MRPL42: variants seen among roughly 807,000 people sequenced by gnomAD.
The protein encoded by MRPL42 is large ribosomal subunit protein mL42.
A neutral mutation model predicts 17.9 loss-of-function variants in MRPL42; 17 were observed. That is an observed-to-expected ratio of 0.95 (90% CI 0.65 to 1.42). The LOEUF is 1.42. MRPL42 is among the 40% of genes most tolerant of loss of function. The pLI, the probability that MRPL42 is intolerant of heterozygous loss-of-function variation, is 0.00. For synonymous variants in MRPL42, 59 were observed against 54.4 expected, an observed-to-expected ratio of 1.08 and a Z score of -0.37; for missense variants, 177 against 175.2, an observed-to-expected ratio of 1.01 and a Z score of -0.06.
intron 2 of MRPL42, among the ~76,000 whole-genome samples, chr12:93,476,233 C>T (rs1004310168): frequency 2.0e-5 from 3 of 152,104 alleles, no homozygotes; most frequent in African/African-American, 7.2e-5. Flanking sequence ...CTTGCACAGG[C>T]TGGAGTGCAA....
At chr12:93,474,043 C>A (rs1246522092) in intron 2 of MRPL42, among the ~76,000 whole-genome samples, 6 of 152,044 alleles carry the variant, frequency 3.9e-5, no homozygotes, top group African/African-American at 1.2e-4. Context: ...CTAAGAATGC[C>A]CAGAATATGA....
chr12:93,473,907 G>C (rs1287266673), intron 2 of MRPL42, among the ~76,000 whole-genome samples: 1 of 152,176 alleles, frequency 6.6e-6, no homozygotes, highest in Non-Finnish European at 1.5e-5. Context: ...AGAAACATTT[G>C]AGAGGCAGTT....
chr12:93,481,079 G>A (rs536505960), intron 4 of MRPL42, among the ~76,000 whole-genome samples: 48 of 152,194 alleles, frequency 3.2e-4, no homozygotes, highest in South Asian at 1.0e-3. Flanking sequence ...CTGTGTTTTA[G>A]CAATTATACT....
rs1223745717 is a variant in MRPL42 at position 93,511,306 on chromosome 12, CTAAG to C, written c.*10089_*10092del. The C allele has an allele frequency of 2.0e-5, 3 of 152,024 alleles. No homozygotes were observed. Among genetic ancestry groups the C allele is most frequent in the African/African-American group, 7.2e-5 (3 of 41,398 alleles). The allele number at this position is 152,024 out of a possible 1,614,324, so 9.4% of individuals were successfully genotyped here. A position where few individuals can be genotyped will look rare whatever the true frequency, so the allele number is the denominator to read the frequency against. Reference sequence around the variant, plus strand: ...CAGAAGATCTCTTTGAAAGAAAAACCTAAGTAATTAAAAAACTGAAAGCACAGAT... The same window carrying C: ...CAGAAGATCTCTTTGAAAGAAAAACCTAATTAAAAAACTGAAAGCACAGAT... On this transcript the variant is annotated 3_prime_UTR_variant, in exon 6 of 6. Transcript: ENST00000549982.
chr12:93,472,407 T>G (rs1269881571), intron 2 of MRPL42, among the ~76,000 whole-genome samples: 1 of 151,956 alleles, frequency 6.6e-6, no homozygotes, highest in East Asian at 1.9e-4. Flanking sequence ...GAAACCTCAT[T>G]TCTACAAAAG....
At chr12:93,477,091 T>C in intron 3 of MRPL42, 74 bp downstream of exon 3, 1 of 1,099,932 alleles carries the variant, frequency 9.1e-7, no homozygotes, top group Non-Finnish European at 1.3e-6. Flanking sequence ...ATTTCTTGTT[T>C]TGATGTCTGA....
rs1458826010 is a variant in MRPL42 at position 93,507,581 on chromosome 12, ATTAG to A, written c.*6363_*6366del. 2 of 152,192 alleles carry A rather than the reference ATTAG, an allele frequency of 1.3e-5. No homozygotes were observed. The highest frequency in any genetic ancestry group is 4.8e-5 in the African/African-American group (2 of 41,432). 9.4% of individuals were successfully genotyped at this position (152,192 alleles called of 1,614,324 possible). On this transcript the variant is annotated 3_prime_UTR_variant, in exon 6 of 6. Coordinates refer to ENST00000549982, the MANE Select transcript of MRPL42 (RefSeq NM_014050.4). ...CATTGGCTTAAAACAACAATCTTTC[ATTAG>A]TTTGCGTTCTTCCAGGTAATTCTTA...
chr12:93,484,979 C>CACATAT (rs1555201395), intron 4 of MRPL42, among the ~76,000 whole-genome samples: 5 of 22,466 alleles, frequency 2.2e-4, no homozygotes, highest in East Asian at 1.2e-3. Flanking sequence ...CACACACACA[C>CACATAT]ATATATATAT....
chr12:93,475,138 A>T lies in MRPL42; in HGVS notation c.71-1816A>T, dbSNP rs1592767141. Reference sequence around the variant, plus strand: ...AGTGTTTGACCTTTTTTTTTTTGAGATGAAGTCTCACTCTCGCCCAGGCTG... The same window carrying T: ...AGTGTTTGACCTTTTTTTTTTTGAGTTGAAGTCTCACTCTCGCCCAGGCTG... On this transcript the variant is annotated intron_variant, in intron 2 of 5. Transcript: ENST00000549982. 2.0e-5 allele frequency among the ~76,000 whole-genome samples: 3 copies of T among 150,690 alleles called. No homozygotes were observed. In the South Asian group the frequency reaches 6.3e-4, roughly 31 times the overall value.
chr12:93,478,742 C>T (rs1200383532), intron 3 of MRPL42, among the ~76,000 whole-genome samples: 3 of 152,064 alleles, frequency 2.0e-5, no homozygotes, highest in African/African-American at 4.8e-5. Flanking sequence ...CTTGAAACCA[C>T]GGTGAAACAA....
chr12:93,479,540 T>C (rs750990095), intron 4 of MRPL42, 68 bp downstream of exon 4: 19 of 963,086 alleles, frequency 2.0e-5, no homozygotes, highest in Non-Finnish European at 2.9e-5. Context: ...CTTTATAGTA[T>C]CCAAAAAGAA....
intron 2 of MRPL42, among the ~76,000 whole-genome samples, chr12:93,471,911 T>C (rs1264359871): frequency 6.6e-6 from 1 of 152,232 alleles, no homozygotes; most frequent in African/African-American, 2.4e-5. Context: ...CCTAGGCTAA[T>C]GAGAAGTCAC....
rs138809215 is a variant in MRPL42, at chr12:93,485,440, G to A, written c.220-2057G>A. ...TAACACATGTGAGCCACCGCACCTG[G>A]CCACATTGCCTTTTAAAGAGGTCTT... On this transcript the variant is annotated intron_variant, in intron 4 of 5. Transcript: ENST00000549982. 6.1e-3 allele frequency among the ~76,000 whole-genome samples: 927 copies of A among 151,894 alleles called. 7 individuals carry two copies. Among genetic ancestry groups the A allele is most frequent in the Non-Finnish European group, 7.4e-3 (504 of 67,934 alleles).
chr12:93,476,588 A>G (rs530161172), intron 2 of MRPL42, among the ~76,000 whole-genome samples: 9 of 152,184 alleles, frequency 5.9e-5, no homozygotes, highest in African/African-American at 2.2e-4. Context: ...TTCATCTCTT[A>G]TCAATCCTTA....
At chr12:93,479,611 G>T in intron 4 of MRPL42, 139 bp downstream of exon 4, 3 of 443,904 alleles carry the variant, frequency 6.8e-6, no homozygotes, top group East Asian at 6.9e-5. Flanking sequence ...TTACTATTTT[G>T]ATTTTTCTCT....
rs1255770955 is a variant in MRPL42 at position 93,512,138 on chromosome 12, G to A, written c.*10917G>A. The A allele has an allele frequency of 6.6e-6, 1 of 152,212 alleles. No individual in the cohort carries two copies. The highest frequency in any genetic ancestry group is 1.5e-5 in the Non-Finnish European group (1 of 68,048). The allele number at this position is 152,212 out of a possible 1,614,324, so 9.4% of individuals were successfully genotyped here. A position where few individuals can be genotyped will look rare whatever the true frequency, so the allele number is the denominator to read the frequency against. ...ATTTAATTATTGCTGCAAGAAGCCA[G>A]TTTGGTCCCAGCTTTATAAAGATAT... is the stretch of plus-strand genomic sequence containing the variant. On this transcript the variant is annotated 3_prime_UTR_variant, in exon 6 of 6. Transcript: ENST00000549982.
chr12:93,516,078 G>A lies in MRPL42; in HGVS notation c.*14857G>A, dbSNP rs11614680. On this transcript the variant is annotated 3_prime_UTR_variant, in exon 6 of 6. Transcript: ENST00000549982. Reference sequence around the variant, plus strand: ...ATAGTATCCAATCTGGAGCAAACCCGTTTCCTTAGACCCTCTCCCAATCCC... The same window carrying A: ...ATAGTATCCAATCTGGAGCAAACCCATTTCCTTAGACCCTCTCCCAATCCC... The A allele has an allele frequency of 0.024, 3,699 of 152,236 alleles. 76 individuals are homozygous for A. Among genetic ancestry groups the A allele is most frequent in the Middle Eastern group, 0.051 (15 of 294 alleles). 9.4% of individuals were successfully genotyped at this position (152,236 alleles called of 1,614,324 possible).
In MRPL42 at chr12:93,509,554, G is replaced by A. The variant is rs564916799; in HGVS notation, c.*8333G>A. ...AGGCTAAGACAGGAGGATCACTTGA[G>A]TCCAGAAGTTCTGGGTTGTAGTGAG... On this transcript the variant is annotated 3_prime_UTR_variant, in exon 6 of 6. Transcript: ENST00000549982. 8.5e-5 allele frequency: 13 copies of A among 152,116 alleles called. No individual in the cohort carries two copies. The East Asian group carries it at 2.3e-3, about 27-fold the overall frequency. The allele number at this position is 152,116 out of a possible 1,614,324, so 9.4% of individuals were successfully genotyped here.
chr12:93,474,998 TAGG>T (rs1429689244), intron 2 of MRPL42, among the ~76,000 whole-genome samples: 1 of 152,058 alleles, frequency 6.6e-6, no homozygotes, highest in Non-Finnish European at 1.5e-5. Flanking sequence ...GGGACTGAGG[TAGG>T]AGAATTGCTT....
Sources: allele counts gnomAD v4.1 joint callset (sites outside exome capture counted in the v4.1 genomes callset), GRCh38; gene constraint gnomAD v4.1.1; transcripts MANE v1.5; gene names NCBI Gene and HGNC (gene_info 2026-07-23, HGNC 2026-07-21).